Variants in STOX1 observed in about 807,000 individuals in gnomAD.
The protein encoded by STOX1 is storkhead-box protein 1.
Under a neutral mutation model 74.8 loss-of-function variants are expected in STOX1, and 57 were observed. The ratio of observed to expected loss-of-function variants is 0.76; its 90% CI spans 0.62 to 0.95. STOX1 has a LOEUF of 0.95. Among genes scored for constraint, STOX1 ranks in the 40% least tolerant of loss-of-function variants. The probability of loss-of-function intolerance (pLI) is 0.00; values close to 1 mark genes in which losing one functional copy is unlikely to be tolerated. For missense variants in STOX1, 1,010 were observed against 1,117.0 expected, an observed-to-expected ratio of 0.90 and a Z score of 1.37; for synonymous variants, 375 against 401.3, an observed-to-expected ratio of 0.93 and a Z score of 0.78.
chr10:68,859,492 C>T (rs780706549), intron 1 of STOX1, among the ~76,000 whole-genome samples: 1 of 152,070 alleles, frequency 6.6e-6, no homozygotes, highest in Non-Finnish European at 1.5e-5. Context: ...CAGCAGCAGT[C>T]CTGACACTTT....
chr10:68,887,167 A>G (rs1313978866), intron 3 of STOX1, among the ~76,000 whole-genome samples: 3 of 152,202 alleles, frequency 2.0e-5, no homozygotes, highest in African/African-American at 4.8e-5. Context: ...TAAATCTTCA[A>G]TTATTTCTAA....
Position 68,873,418 on chromosome 10 carries a change from G to A in STOX1, c.311-8540G>A, listed in dbSNP as rs187083616. 2.5e-3 allele frequency among the ~76,000 whole-genome samples: 385 copies of A among 151,578 alleles called. 12 individuals are homozygous for A. In the East Asian group the frequency reaches 0.061, roughly 24 times the overall value. On this transcript the variant is annotated intron_variant, in intron 1 of 3. Transcript: ENST00000298596. The stretch of plus-strand genomic sequence containing the variant: ...TGGGACTCCAGGCGGCCGCCACCAC[G>A]CCCAGCTAATTTTTTTGTATTTTTA...
In STOX1 at chr10:68,885,129, G is replaced by A; in HGVS notation, c.1333G>A (p.Gly445Arg). 6.2e-7 allele frequency: 1 copy of A among 1,613,190 alleles called. No homozygotes were observed. Among genetic ancestry groups the A allele is most frequent in the African/African-American group, 1.3e-5 (1 of 74,962 alleles). ...ARNQGSEFQPGSIRLEKHPKL... is the reference protein window; with the variant it reads ...ARNQGSEFQPRSIRLEKHPKL... ...GAATCAGGGAAGTGAGTTTCAGCCAGGAAGCATTAGACTGGAGAAACACCC... is the reference window on the plus strand; with the variant it reads ...GAATCAGGGAAGTGAGTTTCAGCCAAGAAGCATTAGACTGGAGAAACACCC... The change falls in exon 3 of 4, where the codon GGA becomes AGA. Residue 445 changes from glycine (G) to arginine (R), a missense_variant. Coordinates refer to ENST00000298596, the MANE Select transcript of STOX1 (RefSeq NM_152709.5).
chr10:68,841,789 A>C (rs1839697601), intron 1 of STOX1, among the ~76,000 whole-genome samples: 1 of 152,128 alleles, frequency 6.6e-6, no homozygotes, highest in Admixed American at 6.6e-5. Flanking sequence ...GTCTCATTCT[A>C]CCAGCAAAGC....
At position 68,885,733 on chromosome 10, in the gene STOX1, C is replaced by T. The variant is rs968101530; in HGVS notation, c.1937C>T (p.Ala646Val). Residue 646 changes from alanine to valine, a missense_variant, in exon 3 of 4, where the codon GCC becomes GTC. Physicochemically the swap from Ala to Val is moderately conservative, Grantham distance 64. Transcript: ENST00000298596. ...CCGCATAGTCTGCCATCACGAGGTGCCTCCTTTTCAGACCGAACACCCTCT... is the reference window on the plus strand; with the variant it reads ...CCGCATAGTCTGCCATCACGAGGTGTCTCCTTTTCAGACCGAACACCCTCT... ...QTPHSLPSRG[A>V]SFSDRTPSAC... 2 of 1,613,978 alleles carry T rather than the reference C, an allele frequency of 1.2e-6. No individual in the cohort carries two copies. Among genetic ancestry groups the T allele is most frequent in the Admixed American group, 3.3e-5 (2 of 59,972 alleles).
chr10:68,875,503 T>C (rs1375116821), intron 1 of STOX1, among the ~76,000 whole-genome samples: 2 of 152,180 alleles, frequency 1.3e-5, no homozygotes, highest in Non-Finnish European at 2.9e-5. Context: ...CATTGGGGTA[T>C]GAGTATTCAC....
At chr10:68,838,852 G>C (rs1839623274) in intron 1 of STOX1, among the ~76,000 whole-genome samples, 1 of 151,548 alleles carries the variant, frequency 6.6e-6, no homozygotes, top group South Asian at 2.1e-4. Context: ...GGAGGTTGCA[G>C]TGAGCCGAGA....
chr10:68,891,801 CAA>C (rs574776456), intron 3 of STOX1, among the ~76,000 whole-genome samples: 9 of 127,748 alleles, frequency 7.0e-5, no homozygotes, highest in African/African-American at 2.9e-5. Flanking sequence ...GACTCTGTTT[CAA>C]AAAAAAAAAA....
At chr10:68,851,797 C>T (rs1283540192) in intron 1 of STOX1, among the ~76,000 whole-genome samples, 1 of 151,892 alleles carries the variant, frequency 6.6e-6, no homozygotes, top group African/African-American at 2.4e-5. Context: ...ACTGAGATTG[C>T]ACCACTGTAC....
chr10:68,841,771 A>G (rs1839696897), intron 1 of STOX1, among the ~76,000 whole-genome samples: 2 of 152,144 alleles, frequency 1.3e-5, no homozygotes, highest in Admixed American at 1.3e-4. Context: ...AATAATCTGA[A>G]TGCTCCAGTC....
chr10:68,841,172 CT>C (rs1839685107), intron 1 of STOX1, among the ~76,000 whole-genome samples: 3 of 151,946 alleles, frequency 2.0e-5, no homozygotes, highest in Admixed American at 6.6e-5. Flanking sequence ...GTCTTGAACT[CT>C]TGACCTCGTG....
intron 1 of STOX1, among the ~76,000 whole-genome samples, chr10:68,832,008 T>TC (rs1000650573): frequency 4.6e-5 from 7 of 150,768 alleles, no homozygotes; most frequent in African/African-American, 1.7e-4. Flanking sequence ...CAAGGGATCC[T>TC]CCCCCCTCGG....
chr10:68,879,883 G>C (rs1246042889), intron 1 of STOX1, among the ~76,000 whole-genome samples: 1 of 152,132 alleles, frequency 6.6e-6, no homozygotes, highest in Non-Finnish European at 1.5e-5. Flanking sequence ...AAAATTATCT[G>C]GCTAGGGTGG....
At chr10:68,857,170 A>G (rs931420709) in intron 1 of STOX1, among the ~76,000 whole-genome samples, 4 of 152,134 alleles carry the variant, frequency 2.6e-5, no homozygotes, top group Admixed American at 6.5e-5. Context: ...GCAAATAATT[A>G]TAACTACATA....
chr10:68,835,924 T>G (rs1839536705), intron 1 of STOX1, among the ~76,000 whole-genome samples: 1 of 152,132 alleles, frequency 6.6e-6, no homozygotes. Context: ...CAGGCTGGAG[T>G]GCAGTGGTGT....
chr10:68,881,269 C>T (rs1054031221), intron 1 of STOX1, among the ~76,000 whole-genome samples: 8 of 152,208 alleles, frequency 5.3e-5, no homozygotes, highest in African/African-American at 1.2e-4. Context: ...GTCTAGCTTA[C>T]ATTTCCAGCC....
In STOX1 at chr10:68,884,468, G is replaced by GGA; in HGVS notation, c.676_677dup (p.Ser226ArgfsTer40). Reference sequence around the variant, plus strand: ...CTTCCATGACATATCTGGTGAGCATGGAGAGCTGTGCAGAGTCAGCCCAAG... The same window carrying GGA: ...CTTCCATGACATATCTGGTGAGCATGGAGAGAGCTGTGCAGAGTCAGCCCAAG... On this transcript the variant is annotated frameshift_variant, in exon 3 of 4. Coordinates refer to ENST00000298596, the MANE Select transcript of STOX1 (RefSeq NM_152709.5). LOFTEE classifies it high-confidence loss of function. The GGA allele has an allele frequency of 6.2e-7, 1 of 1,613,836 alleles. No homozygotes were observed. The highest frequency in any genetic ancestry group is 8.5e-7 in the Non-Finnish European group (1 of 1,180,012).
rs1031032729 is a variant in STOX1 at position 68,841,539 on chromosome 10, A to G, written c.310+13606A>G. Among the ~76,000 whole-genome samples the G allele has an allele frequency of 1.2e-3, 182 of 152,314 alleles. 1 individual carries two copies. Among genetic ancestry groups the G allele is most frequent in the African/African-American group, 4.3e-3 (179 of 41,590 alleles). On this transcript the variant is annotated intron_variant, in intron 1 of 3. Transcript: ENST00000298596. ...CATGTATTATTTTTTCTTGGAAACA[A>G]ATTTTCTTAAGTCATTAAAAAAATC...
chr10:68,846,119 T>TTTTTTTA (rs1167242930), intron 1 of STOX1, among the ~76,000 whole-genome samples: 1 of 135,848 alleles, frequency 7.4e-6, no homozygotes, highest in Admixed American at 7.8e-5. Context: ...GCTTGAGGTT[T>TTTTTTTA]TTATTATTAT....
Sources: allele counts gnomAD v4.1 joint callset (sites outside exome capture counted in the v4.1 genomes callset), GRCh38; gene constraint gnomAD v4.1.1; transcripts MANE v1.5; gene names NCBI Gene and HGNC (gene_info 2026-07-23, HGNC 2026-07-21).